The following LDLRAD4 variants were observed in gnomAD, a reference collection of about 807,000 sequenced individuals.
The protein encoded by LDLRAD4 is low-density lipoprotein receptor class A domain-containing protein 4.
LDLRAD4 carries 5 observed loss-of-function variants against 17.0 expected under a neutral mutation model. That is an observed-to-expected ratio of 0.29 (90% CI 0.15 to 0.62). LDLRAD4 has a LOEUF of 0.62. Among genes scored for constraint, LDLRAD4 ranks in the 20% least tolerant of loss-of-function variants. The pLI, the probability that LDLRAD4 is intolerant of heterozygous loss-of-function variation, is 0.84. For synonymous variants in LDLRAD4, 168 were observed against 171.8 expected (o/e 0.98, Z 0.17); for missense variants, 340 against 424.7 (o/e 0.80, Z 1.75).
At chr18:13,626,772 C>T (rs2041208671) in intron 4 of LDLRAD4, among the ~76,000 whole-genome samples, 1 of 152,186 alleles carries the variant, frequency 6.6e-6, no homozygotes, top group Non-Finnish European at 1.5e-5. Context: ...TGGGAGGGGC[C>T]CTGGCTGTTG....
In LDLRAD4 at chr18:13,621,699, G is replaced by A. The variant is rs140407068; in HGVS notation, c.336+428G>A. Among the ~76,000 whole-genome samples the A allele has an allele frequency of 3.3e-5, 5 of 152,282 alleles. No individual in the cohort carries two copies. The highest frequency in any genetic ancestry group is 1.9e-4 in the East Asian group (1 of 5,180). On this transcript the variant is annotated intron_variant, in intron 4 of 5. Transcript: ENST00000359446. The surrounding 1 kb of genome is among the most constrained non-coding windows in gnomAD (Gnocchi z 5.5). ...TGCGGGGACAAATCACGCGCTCATC[G>A]TCACTAAACGTGCCGGCAGCACATG...
chr18:13,293,309 T>C (rs1031564055), intron 1 of LDLRAD4, among the ~76,000 whole-genome samples: 3 of 152,212 alleles, frequency 2.0e-5, no homozygotes, highest in African/African-American at 7.2e-5. Context: ...ATAGACGACC[T>C]GTAGCCAATC....
intron 1 of LDLRAD4, among the ~76,000 whole-genome samples, chr18:13,352,603 C>T (rs1374543064): frequency 6.6e-6 from 1 of 152,022 alleles, no homozygotes; most frequent in East Asian, 1.9e-4. Context: ...TTAAATTTCT[C>T]GGATTTGTCA....
chr18:13,518,247 T>A (rs1420162727), intron 3 of LDLRAD4, among the ~76,000 whole-genome samples: 1 of 152,208 alleles, frequency 6.6e-6, no homozygotes, highest in East Asian at 1.9e-4. Context: ...CTCTTCTGTA[T>A]TTCCCATCTT....
At chr18:13,365,286 C>T (rs1057277249) in intron 1 of LDLRAD4, among the ~76,000 whole-genome samples, 6 of 152,112 alleles carry the variant, frequency 3.9e-5, no homozygotes, top group African/African-American at 9.7e-5. Flanking sequence ...TAGAAAGCTC[C>T]GTTAACTAAG....
intron 2 of LDLRAD4, among the ~76,000 whole-genome samples, chr18:13,404,475 C>T (rs2087534621): frequency 1.3e-5 from 2 of 152,292 alleles, no homozygotes; most frequent in South Asian, 4.1e-4. Flanking sequence ...CTGTGCTGGG[C>T]GCTGCACTTT....
At chr18:13,578,291 T>C (rs2148415984) in intron 3 of LDLRAD4, among the ~76,000 whole-genome samples, 1 of 152,338 alleles carries the variant, frequency 6.6e-6, no homozygotes, top group East Asian at 1.9e-4. Flanking sequence ...ATTACCACCT[T>C]ACTACTTTAT....
chr18:13,234,600 G>A (rs1398322827), intron 1 of LDLRAD4, among the ~76,000 whole-genome samples: 1 of 152,182 alleles, frequency 6.6e-6, no homozygotes, highest in Non-Finnish European at 1.5e-5. Flanking sequence ...GGCACCAGGT[G>A]TGGGTGTGAG....
intron 1 of LDLRAD4, among the ~76,000 whole-genome samples, chr18:13,272,347 C>T (rs528565031): frequency 2.0e-5 from 3 of 152,324 alleles, no homozygotes; most frequent in Admixed American, 6.5e-5. Context: ...CAGCAATGGC[C>T]GGAGTTGGTG....
At position 13,450,325 on chromosome 18, in the gene LDLRAD4, CA is replaced by C. The variant is rs1403183310; in HGVS notation, c.181+11942del. Among the ~76,000 whole-genome samples the C allele has an allele frequency of 7.2e-4, 65 of 89,790 alleles. 1 individual carries two copies. Among genetic ancestry groups the C allele is most frequent in the African/African-American group, 2.5e-3 (52 of 20,596 alleles). 58.9% of individuals were successfully genotyped at this position (89,790 alleles called of 152,430 possible). On this transcript the variant is annotated intron_variant, in intron 3 of 5. Transcript: ENST00000359446. ...CCAGTGCAGTTAGCTTCTCTCCCCC[CA>C]CCCCCCCCCCCAAAAAAACACACAA...
At chr18:13,449,830 C>G (rs2091678746) in intron 3 of LDLRAD4, among the ~76,000 whole-genome samples, 1 of 152,164 alleles carries the variant, frequency 6.6e-6, no homozygotes, top group Non-Finnish European at 1.5e-5. Context: ...GCCGCAGGCC[C>G]TTGCATGCCA....
In LDLRAD4 at chr18:13,544,592, A is replaced by G. The variant is rs565575659; in HGVS notation, c.182-76525A>G. On this transcript the variant is annotated intron_variant, in intron 3 of 5. Coordinates refer to ENST00000359446, the Ensembl canonical transcript of LDLRAD4. ...TGGCAGCCTGCATGGTGGATGGGAAAGCGGAGTTCGTGTGGGAGACAGAGC... is the reference window on the plus strand; with the variant it reads ...TGGCAGCCTGCATGGTGGATGGGAAGGCGGAGTTCGTGTGGGAGACAGAGC... Among the ~76,000 whole-genome samples, 5 of 152,332 alleles carry G rather than the reference A, an allele frequency of 3.3e-5. No homozygotes were observed. In the South Asian group the frequency reaches 1.0e-3, roughly 32 times the overall value.
At chr18:13,559,865 CT>C in intron 3 of LDLRAD4, among the ~76,000 whole-genome samples, 1 of 65,124 alleles carries the variant, frequency 1.5e-5, no homozygotes, top group African/African-American at 4.5e-5. Flanking sequence ...GACAGCACAG[CT>C]GGTACACAGC....
At chr18:13,517,777 C>T (rs11873996) in intron 3 of LDLRAD4, among the ~76,000 whole-genome samples, 2,265 of 152,140 alleles carry the variant, frequency 0.015, 47 homozygotes, top group African/African-American at 0.051. Context: ...CTCGCTCTGT[C>T]GCCCAGGCTG....
chr18:13,370,534 G>T (rs1477185830), intron 1 of LDLRAD4, among the ~76,000 whole-genome samples: 1 of 152,122 alleles, frequency 6.6e-6, no homozygotes, highest in African/African-American at 2.4e-5. Context: ...CTGTGTCAGG[G>T]ACTCTACAGC....
At chr18:13,509,154 CA>C (rs2093739610) in intron 3 of LDLRAD4, among the ~76,000 whole-genome samples, 2 of 152,186 alleles carry the variant, frequency 1.3e-5, no homozygotes, top group African/African-American at 4.8e-5. Flanking sequence ...AAATTTAAAA[CA>C]AAAACAAAAA....
At chr18:13,496,837 G>C (rs374000909) in intron 3 of LDLRAD4, among the ~76,000 whole-genome samples, 1 of 152,192 alleles carries the variant, frequency 6.6e-6, no homozygotes. Context: ...ATGCCCACAC[G>C]TCTATTTGTC....
At chr18:13,605,566 C>T (rs1340584869) in intron 3 of LDLRAD4, among the ~76,000 whole-genome samples, 1 of 152,160 alleles carries the variant, frequency 6.6e-6, no homozygotes. Flanking sequence ...TCTTGGGGAC[C>T]TTAACGACAC....
rs1225644875 is a variant in LDLRAD4 at position 13,621,533 on chromosome 18, G to T, written c.336+262G>T. Among the ~76,000 whole-genome samples, 1 of 152,214 alleles carries T rather than the reference G, an allele frequency of 6.6e-6. No individual in the cohort carries two copies. Among genetic ancestry groups the T allele is most frequent in the Non-Finnish European group, 1.5e-5 (1 of 68,046 alleles). On this transcript the variant is annotated intron_variant, in intron 4 of 5. Transcript: ENST00000359446. The surrounding 1 kb of genome is among the most constrained non-coding windows in gnomAD (Gnocchi z 5.5). The stretch of plus-strand genomic sequence containing the variant: ...CTCCCCTGGATCTTTGCTGCCCGAC[G>T]TGGCTTTGCCAGCTTCTGAGCTGTG...
Sources: gnomAD v4.1 joint callset for allele counts (sites outside exome capture counted in the v4.1 genomes callset) on GRCh38, gnomAD v4.1.1 for gene constraint, Gnocchi (gnomAD v3.1) non-coding constraint, MANE v1.5 for transcripts, NCBI Gene and HGNC (gene_info 2026-07-23, HGNC 2026-07-21) for gene names.